The following C14orf132 variants were observed in gnomAD, a reference collection of about 807,000 sequenced individuals.
C14orf132 encodes uncharacterized protein C14orf132.
C14orf132 carries 6 observed loss-of-function variants against 5.8 expected under a neutral mutation model. That is an observed-to-expected ratio of 1.03 (90% CI 0.57 to 2.04). C14orf132 has a LOEUF of 2.04. C14orf132 is among the 30% of genes most tolerant of loss of function. The pLI, the probability that C14orf132 is intolerant of heterozygous loss-of-function variation, is 0.00. For synonymous variants in C14orf132, 51 were observed against 49.8 expected (o/e 1.02, Z -0.10); for missense variants, 125 against 115.8 (o/e 1.08, Z -0.37).
At position 96,089,785 on chromosome 14, in the gene C14orf132, G is replaced by A. The variant is rs1888321855; in HGVS notation, c.*3050G>A. 6.6e-6 allele frequency: 1 copy of A among 152,322 alleles called. No homozygotes were observed. The highest frequency in any genetic ancestry group is 1.5e-5 in the Non-Finnish European group (1 of 68,192). The allele number at this position is 152,322 out of a possible 1,614,324, so 9.4% of individuals were successfully genotyped here. Reference sequence around the variant, plus strand: ...TGGTTTTCTTGGGATGCAGGCAGAAGGGGACCCTCCCTGGCCAACACCCAG... The same window carrying A: ...TGGTTTTCTTGGGATGCAGGCAGAAAGGGACCCTCCCTGGCCAACACCCAG... On this transcript the variant is annotated 3_prime_UTR_variant, in exon 2 of 2. Coordinates refer to ENST00000555004, the MANE Select transcript of C14orf132 (RefSeq NM_001252507.3).
Position 96,039,551 on chromosome 14 carries a change from G to A in C14orf132, c.27+24G>A. On this transcript the variant is annotated intron_variant, in intron 1 of 1. Coordinates refer to ENST00000555004, the MANE Select transcript of C14orf132 (RefSeq NM_001252507.3). This position sits in a 1 kb window ranked among gnomAD's most constrained non-coding sequence, Gnocchi z 5.3. Reference sequence around the variant, plus strand: ...AGGTAACGGGGCGTCCCCCCCACGCGCCCCGGGCCGCCAAGTTTGGGGAGG... The same window carrying A: ...AGGTAACGGGGCGTCCCCCCCACGCACCCCGGGCCGCCAAGTTTGGGGAGG... 3 of 1,495,432 alleles carry A rather than the reference G, an allele frequency of 2.0e-6. No homozygotes were observed. Among genetic ancestry groups the A allele is most frequent in the African/African-American group, 1.4e-5 (1 of 69,808 alleles). The allele number at this position is 1,495,432 out of a possible 1,614,324, so 92.6% of individuals were successfully genotyped here.
At chr14:96,084,945 G>A (rs1223095770) in intron 1 of C14orf132, among the ~76,000 whole-genome samples, 1 of 152,220 alleles carries the variant, frequency 6.6e-6, no homozygotes, top group Non-Finnish European at 1.5e-5. Context: ...AGGCAGGCCA[G>A]AGAGCTTCTG....
At chr14:96,082,888 C>G (rs1325247981) in intron 1 of C14orf132, among the ~76,000 whole-genome samples, 1 of 152,212 alleles carries the variant, frequency 6.6e-6, no homozygotes, top group Non-Finnish European at 1.5e-5. Context: ...CTCTTCATTA[C>G]TTATAGAAGG....
chr14:96,084,850 G>T (rs928638005), intron 1 of C14orf132, among the ~76,000 whole-genome samples: 3 of 152,144 alleles, frequency 2.0e-5, no homozygotes, highest in African/African-American at 7.2e-5. Flanking sequence ...GTGCCTCCTG[G>T]CAGGAGTCCA....
chr14:96,086,646 T>C lies in C14orf132; in HGVS notation c.163T>C (p.Ser55Pro), dbSNP rs986810242. 75 of 1,536,160 alleles carry C rather than the reference T, an allele frequency of 4.9e-5. No individual in the cohort carries two copies. The highest frequency in any genetic ancestry group is 1.7e-4 in the Middle Eastern group (1 of 5,990). ...CCAGCCGGAAGATCCTCCTCGGTCCTCCAACGACGCCGTCTTGCTATGGAT... is the reference window on the plus strand; with the variant it reads ...CCAGCCGGAAGATCCTCCTCGGTCCCCCAACGACGCCGTCTTGCTATGGAT... ...QGQPEDPPRS[S>P]NDAVLLWIAI... The change falls in exon 2 of 2, where the codon TCC becomes CCC. Residue 55 changes from serine (S) to proline (P), a missense_variant. Transcript: ENST00000555004.
At chr14:96,051,313 A>T (rs755459169) in intron 1 of C14orf132, 4 of 398,098 alleles carry the variant, frequency 1.0e-5, no homozygotes, top group Non-Finnish European at 1.8e-5. Context: ...AGAGTTGGGC[A>T]GTTCAGTGAG....
intron 1 of C14orf132, among the ~76,000 whole-genome samples, chr14:96,083,210 T>A (rs1374004658): frequency 2.0e-5 from 3 of 152,202 alleles, no homozygotes; most frequent in African/African-American, 2.4e-5. Flanking sequence ...TACTTGTCAC[T>A]TTTTTTGTAT....
At chr14:96,071,859 C>A (rs1288719874) in intron 1 of C14orf132, among the ~76,000 whole-genome samples, 1 of 152,198 alleles carries the variant, frequency 6.6e-6, no homozygotes, top group Non-Finnish European at 1.5e-5. Context: ...CCTGTCCAGC[C>A]CTGGGCCTTC....
At chr14:96,050,073 A>G (rs1432356025) in intron 1 of C14orf132, among the ~76,000 whole-genome samples, 3 of 152,166 alleles carry the variant, frequency 2.0e-5, no homozygotes, top group East Asian at 3.8e-4. Context: ...AAATATGTCA[A>G]TTCTGGATTG....
At chr14:96,042,388 G>A (rs1417284462) in intron 1 of C14orf132, among the ~76,000 whole-genome samples, 1 of 152,204 alleles carries the variant, frequency 6.6e-6, no homozygotes. Context: ...TATAGTTGAA[G>A]CAGTCCCTTG....
In C14orf132 at chr14:96,042,975, G is replaced by A. The variant is rs146445190; in HGVS notation, c.27+3448G>A. On this transcript the variant is annotated intron_variant, in intron 1 of 1. Transcript: ENST00000555004. The stretch of plus-strand genomic sequence containing the variant: ...GGCTGGGGACAAGGCGAGAATCACA[G>A]TCTTTTAGGACTGAGTCCAAAATCC... Among the ~76,000 whole-genome samples the A allele has an allele frequency of 5.9e-5, 9 of 152,354 alleles. No homozygotes were observed. The East Asian group carries it at 1.7e-3, about 29-fold the overall frequency.
chr14:96,051,307 T>C (rs1887019312), intron 1 of C14orf132: 1 of 398,084 alleles, frequency 2.5e-6, no homozygotes, highest in Admixed American at 4.4e-5. Context: ...GGACCCAGAG[T>C]TGGGCAGTTC....
At chr14:96,072,510 A>G (rs1887744588) in intron 1 of C14orf132, among the ~76,000 whole-genome samples, 1 of 152,234 alleles carries the variant, frequency 6.6e-6, no homozygotes, top group Non-Finnish European at 1.5e-5. Flanking sequence ...ACTTGCTAAT[A>G]TGCATACCAG....
rs1887009898 is a variant in C14orf132, at chr14:96,051,005, T to C, written c.27+11478T>C. 3 of 394,724 alleles carry C rather than the reference T, an allele frequency of 7.6e-6. No homozygotes were observed. In the South Asian group the frequency reaches 4.3e-4, roughly 56 times the overall value. The allele number at this position is 394,724 out of a possible 1,614,324, so 24.5% of individuals were successfully genotyped here. ...GAAAAGGAATGTTGACACTTGAATC[T>C]AAATCTAGACCATTACCCCTACCTC... is the stretch of plus-strand genomic sequence containing the variant. On this transcript the variant is annotated intron_variant, in intron 1 of 1. Transcript: ENST00000555004.
chr14:96,083,750 G>C (rs1055299607), intron 1 of C14orf132, among the ~76,000 whole-genome samples: 1 of 152,222 alleles, frequency 6.6e-6, no homozygotes, highest in East Asian at 1.9e-4. Flanking sequence ...CTCTGAAACT[G>C]TATGATACAT....
chr14:96,086,620 G>A lies in C14orf132; in HGVS notation c.137G>A (p.Gly46Asp). The change falls in exon 2 of 2, where the codon GGC becomes GAC. Residue 46 changes from glycine (G) to aspartate (D), a missense_variant. By Grantham distance (94) the Gly-to-Asp change is moderately conservative (BLOSUM62 -1). Coordinates refer to ENST00000555004, the MANE Select transcript of C14orf132 (RefSeq NM_001252507.3). Reference protein sequence around the residue: ...ANVHAAANGQGQPEDPPRSSN... With the variant: ...ANVHAAANGQDQPEDPPRSSN... ...GTCCACGCGGCTGCCAATGGCCAGG[G>A]CCAGCCGGAAGATCCTCCTCGGTCC... The A allele has an allele frequency of 6.5e-7, 1 of 1,536,128 alleles. No individual in the cohort carries two copies. Among genetic ancestry groups the A allele is most frequent in the Non-Finnish European group, 8.7e-7 (1 of 1,146,910 alleles).
intron 1 of C14orf132, among the ~76,000 whole-genome samples, chr14:96,075,352 G>A (rs2139674393): frequency 6.6e-6 from 1 of 152,264 alleles, no homozygotes; most frequent in Middle Eastern, 3.4e-3. Context: ...TGCAATTAGA[G>A]ATAGTTTTAT....
chr14:96,081,640 G>A (rs768884910), intron 1 of C14orf132, among the ~76,000 whole-genome samples: 4 of 152,098 alleles, frequency 2.6e-5, no homozygotes, highest in Non-Finnish European at 4.4e-5. Context: ...TCGCTGGCAC[G>A]CAGACTGGAA....
intron 1 of C14orf132, among the ~76,000 whole-genome samples, chr14:96,062,350 C>T (rs1224279374): frequency 6.6e-6 from 1 of 152,118 alleles, no homozygotes; most frequent in African/African-American, 2.4e-5. Flanking sequence ...ACCCCTAGTC[C>T]TCTTTCACCC....
Sources: gnomAD v4.1 joint callset for allele counts (sites outside exome capture counted in the v4.1 genomes callset) on GRCh38, gnomAD v4.1.1 for gene constraint, Gnocchi (gnomAD v3.1) non-coding constraint, MANE v1.5 for transcripts, NCBI Gene and HGNC (gene_info 2026-07-23, HGNC 2026-07-21) for gene names.